Variants in SLC24A2 observed in about 807,000 individuals in gnomAD.
SLC24A2 encodes the protein sodium/potassium/calcium exchanger 2.
In SLC24A2, 36 loss-of-function variants were observed where a neutral mutation model predicts 62.0. The observed-to-expected ratio is 0.58, with a 90% confidence interval of 0.44 to 0.77. The LOEUF (loss-of-function observed/expected upper bound fraction) is 0.77, where lower values mean the gene tolerates loss of function less well. Among genes scored for constraint, SLC24A2 ranks in the 30% least tolerant of loss-of-function variants. SLC24A2 has a pLI of 0.00. For synonymous variants in SLC24A2, 358 were observed against 294.0 expected (o/e 1.22, Z -2.23); for missense variants, 846 against 817.9 (o/e 1.03, Z -0.42).
the SLC24A2 span, among the ~76,000 whole-genome samples, chr9:19,806,781 G>T: frequency 5.3e-5 from 8 of 152,254 alleles, no homozygotes; most frequent in East Asian, 1.4e-3. Flanking sequence ...TGTGCCATGC[G>T]ACTCACATCA....
the SLC24A2 span, among the ~76,000 whole-genome samples, chr9:19,911,124 G>A: frequency 7.5e-6 from 1 of 133,822 alleles, no homozygotes; most frequent in East Asian, 2.2e-4. Context: ...GTGTCCATGT[G>A]TTCTCATTGT....
At chr9:19,932,791 TA>T in the SLC24A2 span, among the ~76,000 whole-genome samples, 3 of 152,188 alleles carry the variant, frequency 2.0e-5, no homozygotes, top group Non-Finnish European at 2.9e-5. Flanking sequence ...CTATCAGTTA[TA>T]AGGCCTGGGA....
intron 4 of SLC24A2, among the ~76,000 whole-genome samples, chr9:19,617,226 C>T (rs1319576741): frequency 2.0e-5 from 3 of 152,120 alleles, no homozygotes; most frequent in South Asian, 2.1e-4. Flanking sequence ...CAATAGGGTT[C>T]GGCCCCCTGT....
rs149648708 is a variant in SLC24A2, at chr9:19,553,559, A to G, written c.1348-3291T>C. The stretch of plus-strand genomic sequence containing the variant: ...ATCTGACACAAAAACATATGACTTT[A>G]AGTTCCCACATGGTGGGTGGTGGTG... On this transcript the variant is annotated intron_variant, in intron 7 of 10. Transcript: ENST00000341998. 5.7e-4 allele frequency among the ~76,000 whole-genome samples: 87 copies of G among 152,310 alleles called. 1 individual carries two copies. In the Middle Eastern group the frequency reaches 0.031, roughly 54 times the overall value.
chr9:19,868,045 C>T, the SLC24A2 span, among the ~76,000 whole-genome samples: 3 of 151,448 alleles, frequency 2.0e-5, no homozygotes, highest in South Asian at 2.1e-4. Flanking sequence ...GTTTATTGTG[C>T]TCTTTATTTT....
At chr9:20,045,045 G>T in the SLC24A2 span, among the ~76,000 whole-genome samples, 4 of 152,100 alleles carry the variant, frequency 2.6e-5, no homozygotes, top group Admixed American at 6.6e-5. Flanking sequence ...TAAAGTTAGT[G>T]CTCAGTATAT....
At chr9:19,970,358 A>G in the SLC24A2 span, among the ~76,000 whole-genome samples, 2 of 152,202 alleles carry the variant, frequency 1.3e-5, no homozygotes, top group African/African-American at 2.4e-5. Flanking sequence ...AAATTAAAAT[A>G]ATTGTCTCCC....
At chr9:19,938,058 CT>C in the SLC24A2 span, among the ~76,000 whole-genome samples, 30 of 152,082 alleles carry the variant, frequency 2.0e-4, no homozygotes, top group South Asian at 1.0e-3. Context: ...ATTAGTGAGT[CT>C]TTTCTATACT....
intron 2 of SLC24A2, among the ~76,000 whole-genome samples, chr9:19,662,210 C>T (rs1819121695): frequency 6.6e-6 from 1 of 152,106 alleles, no homozygotes; most frequent in Admixed American, 6.5e-5. Flanking sequence ...CGAATATAGC[C>T]ACATTATTAT....
chr9:19,636,068 C>T (rs2118025022), intron 2 of SLC24A2, among the ~76,000 whole-genome samples: 1 of 152,190 alleles, frequency 6.6e-6, no homozygotes, highest in South Asian at 2.1e-4. Context: ...GTTAAGATCT[C>T]CTTCCTTCCC....
chr9:20,123,864 G>A, the SLC24A2 span, among the ~76,000 whole-genome samples: 1 of 152,278 alleles, frequency 6.6e-6, no homozygotes, highest in South Asian at 2.1e-4. Context: ...AGTTGAGCTT[G>A]AGGCTAGAAC....
chr9:19,864,123 T>C, the SLC24A2 span, among the ~76,000 whole-genome samples: 9 of 151,834 alleles, frequency 5.9e-5, no homozygotes, highest in East Asian at 3.9e-4. Flanking sequence ...CTTACCAAGA[T>C]TGAACCATGA....
chr9:19,519,548 T>C (rs1235540733), intron 10 of SLC24A2, among the ~76,000 whole-genome samples: 4 of 152,190 alleles, frequency 2.6e-5, no homozygotes, highest in East Asian at 1.9e-4. Flanking sequence ...CTTTAAAACA[T>C]ACACCTTTTA....
rs1276367965 is a variant in SLC24A2, at chr9:19,516,537, T to C, written c.1737-135A>G. The C allele has an allele frequency of 9.0e-6, 10 of 1,112,034 alleles. No individual in the cohort carries two copies. The African/African-American group carries it at 1.1e-4, about 12-fold the overall frequency. The allele number at this position is 1,112,034 out of a possible 1,614,324, so 68.9% of individuals were successfully genotyped here. A position where few individuals can be genotyped will look rare whatever the true frequency, so the allele number is the denominator to read the frequency against. On this transcript the variant is annotated intron_variant, in intron 10 of 10. Transcript: ENST00000341998. Reference sequence around the variant, plus strand: ...GAAAAGGGTGTCTTGTTAGGTTCACTATGACTCGGGCATGGTTGGCCCAGG... The same window carrying C: ...GAAAAGGGTGTCTTGTTAGGTTCACCATGACTCGGGCATGGTTGGCCCAGG...
At chr9:19,683,450 G>T (rs1190066550) in intron 2 of SLC24A2, among the ~76,000 whole-genome samples, 5 of 152,040 alleles carry the variant, frequency 3.3e-5, no homozygotes, top group Non-Finnish European at 5.9e-5. Flanking sequence ...AAAGGTGATG[G>T]GCATTTGGTC....
the SLC24A2 span, among the ~76,000 whole-genome samples, chr9:20,287,322 G>A: frequency 3.2e-4 from 48 of 152,276 alleles, no homozygotes; most frequent in African/African-American, 1.1e-3. Context: ...TCATTGGGGA[G>A]AGCAAAGGTG....
the SLC24A2 span, among the ~76,000 whole-genome samples, chr9:20,029,911 C>A: frequency 6.6e-6 from 1 of 152,028 alleles, no homozygotes; most frequent in Non-Finnish European, 1.5e-5. Flanking sequence ...GTGTGACAAG[C>A]CCCATGTTAG....
the SLC24A2 span, among the ~76,000 whole-genome samples, chr9:20,202,870 A>G: frequency 1.3e-5 from 2 of 152,228 alleles, no homozygotes; most frequent in Admixed American, 6.5e-5. Flanking sequence ...TTTCCCCAAA[A>G]CACTTAATTT....
At chr9:20,220,218 C>T in the SLC24A2 span, among the ~76,000 whole-genome samples, 1 of 152,036 alleles carries the variant, frequency 6.6e-6, no homozygotes, top group East Asian at 1.9e-4. Flanking sequence ...CAACCTATAA[C>T]ATTGTCACAT....
Sources: gnomAD v4.1 joint callset for allele counts (sites outside exome capture counted in the v4.1 genomes callset) on GRCh38, gnomAD v4.1.1 for gene constraint, MANE v1.5 for transcripts, NCBI Gene and HGNC (gene_info 2026-07-23, HGNC 2026-07-21) for gene names.